PALD1: variants seen among roughly 807,000 people sequenced by gnomAD.
PALD1 encodes phosphatase domain containing paladin 1.
In PALD1, 57 loss-of-function variants were observed where a neutral mutation model predicts 96.0. The ratio of observed to expected loss-of-function variants is 0.59; its 90% confidence interval spans 0.48 to 0.74. The LOEUF (loss-of-function observed/expected upper bound fraction) is 0.74, where lower values mean the gene tolerates loss of function less well. Among genes scored for constraint, PALD1 ranks in the 30% least tolerant of loss-of-function variants. The pLI, the probability that PALD1 is intolerant of heterozygous loss-of-function variation, is 0.00. For synonymous variants in PALD1, 464 were observed against 473.6 expected (o/e 0.98, Z 0.26); for missense variants, 1,063 against 1,143.7 (o/e 0.93, Z 1.02).
At chr10:70,557,617 G>T (rs1380218885) in intron 18 of PALD1, among the ~76,000 whole-genome samples, 2 of 152,208 alleles carry the variant, frequency 1.3e-5, no homozygotes, top group Non-Finnish European at 2.9e-5. Flanking sequence ...CCACCGCTGG[G>T]CTGGCCTGAG....
At chr10:70,489,412 C>T (rs1326395832) in intron 1 of PALD1, among the ~76,000 whole-genome samples, 1 of 152,172 alleles carries the variant, frequency 6.6e-6, no homozygotes, top group Non-Finnish European at 1.5e-5. Flanking sequence ...CCTAACTTAA[C>T]AGTACAAAGT....
chr10:70,561,883 A>G (rs1847744414), intron 18 of PALD1, among the ~76,000 whole-genome samples: 1 of 151,984 alleles, frequency 6.6e-6, no homozygotes, highest in African/African-American at 2.4e-5. Context: ...CCCACCCTAG[A>G]TGTCCCCTCT....
chr10:70,491,417 G>A (rs1846096492), intron 1 of PALD1, among the ~76,000 whole-genome samples: 1 of 121,692 alleles, frequency 8.2e-6, no homozygotes, highest in Admixed American at 8.6e-5. Flanking sequence ...CTCCCCACCT[G>A]CTTTTTTTTT....
upstream of PALD1, among the ~76,000 whole-genome samples, chr10:70,478,373 G>C (rs1019504508): frequency 6.6e-6 from 1 of 152,196 alleles, no homozygotes; most frequent in Non-Finnish European, 1.5e-5. Context: ...GTAAAGCAGA[G>C]GGGGGCGAGG....
intron 18 of PALD1, among the ~76,000 whole-genome samples, chr10:70,552,259 TC>T (rs1328102386): frequency 6.6e-6 from 1 of 152,224 alleles, no homozygotes; most frequent in Non-Finnish European, 1.5e-5. Flanking sequence ...GTGTTCACAT[TC>T]CATGCAGTGA....
intron 9 of PALD1, 65 bp downstream of exon 9, chr10:70,534,589 G>T (rs564716586): frequency 1.6e-6 from 2 of 1,269,846 alleles, no homozygotes; most frequent in East Asian, 4.9e-5. Flanking sequence ...CCTCTCACTG[G>T]TCGGGGCTCT....
chr10:70,524,020 A>T (rs1301693194), intron 1 of PALD1, among the ~76,000 whole-genome samples: 2 of 151,770 alleles, frequency 1.3e-5, no homozygotes, highest in South Asian at 4.2e-4. Context: ...CTTCATGCTG[A>T]CCCCATGACC....
the PALD1 span, among the ~76,000 whole-genome samples, chr10:70,463,170 C>T: frequency 6.6e-6 from 1 of 152,104 alleles, no homozygotes; most frequent in Non-Finnish European, 1.5e-5. Flanking sequence ...TTTGGGAGGC[C>T]AAGGCGGGCA....
chr10:70,538,163 C>A, intron 11 of PALD1, 117 bp from the exon 12 acceptor site: 2 of 1,131,776 alleles, frequency 1.8e-6, no homozygotes, highest in South Asian at 1.4e-5. Context: ...ACTCCCTTGT[C>A]CCTGCTCTGG....
chr10:70,495,548 C>T (rs1187171632), intron 1 of PALD1, among the ~76,000 whole-genome samples: 1 of 151,880 alleles, frequency 6.6e-6, no homozygotes, highest in African/African-American at 2.4e-5. Flanking sequence ...TTGGAATTAC[C>T]TGTATTGGCT....
Position 70,539,559 on chromosome 10 carries a change from C to T in PALD1, c.1726-21C>T, listed in dbSNP as rs1223324757. 2 of 1,581,650 alleles carry T rather than the reference C, an allele frequency of 1.3e-6. No individual in the cohort carries two copies. Among genetic ancestry groups the T allele is most frequent in the Non-Finnish European group, 1.7e-6 (2 of 1,162,208 alleles). ...AGAGCCTGCCCCAGTGGCCTGTGTC[C>T]TCCCTCCTGCCCTTGCCCAGACCCT... On this transcript the variant is annotated intron_variant, in intron 14 of 19. Coordinates refer to ENST00000263563, the MANE Select transcript of PALD1 (RefSeq NM_014431.3). This position sits in a 1 kb window ranked among gnomAD's most constrained non-coding sequence, Gnocchi z 4.5.
chr10:70,526,590 T>C (rs1357598766), intron 2 of PALD1, among the ~76,000 whole-genome samples: 1 of 152,178 alleles, frequency 6.6e-6, no homozygotes, highest in Non-Finnish European at 1.5e-5. Flanking sequence ...GTCCTAATGA[T>C]GCCCCTCAGG....
intron 1 of PALD1, among the ~76,000 whole-genome samples, chr10:70,507,207 G>A (rs531166888): frequency 2.0e-3 from 300 of 150,864 alleles, no homozygotes; most frequent in Non-Finnish European, 2.4e-3. Context: ...TTCAAGACCA[G>A]CCTGGCCAAC....
At chr10:70,544,689 T>G (rs1847324569) in intron 17 of PALD1, among the ~76,000 whole-genome samples, 1 of 152,042 alleles carries the variant, frequency 6.6e-6, no homozygotes, top group African/African-American at 2.4e-5. Context: ...GGAGTTGGGT[T>G]CCCTGTGAAG....
intron 1 of PALD1, among the ~76,000 whole-genome samples, chr10:70,509,145 G>A (rs2132312928): frequency 6.6e-6 from 1 of 152,316 alleles, no homozygotes; most frequent in Middle Eastern, 3.4e-3. Flanking sequence ...GGCTCCGGAA[G>A]GGGTACTCTC....
At chr10:70,521,715 G>T (rs571752196) in intron 1 of PALD1, among the ~76,000 whole-genome samples, 105 of 151,534 alleles carry the variant, frequency 6.9e-4, no homozygotes, top group African/African-American at 2.4e-3. Context: ...TTTATTTTTA[G>T]TAGAGACGGG....
chr10:70,477,733 A>G (rs1351784040), upstream of PALD1, among the ~76,000 whole-genome samples: 3 of 152,130 alleles, frequency 2.0e-5, no homozygotes, highest in Non-Finnish European at 4.4e-5. Flanking sequence ...CCAGCCTGAC[A>G]GAGGTGGGGC....
chr10:70,517,973 G>A (rs1052396490), intron 1 of PALD1, among the ~76,000 whole-genome samples: 2 of 151,812 alleles, frequency 1.3e-5, no homozygotes, highest in East Asian at 1.9e-4. Flanking sequence ...GCGCAATCTC[G>A]GCTTACTGCA....
At chr10:70,476,352 C>G (rs756195569), upstream of PALD1, among the ~76,000 whole-genome samples, 1 of 152,198 alleles carries the variant, frequency 6.6e-6, no homozygotes, top group Non-Finnish European at 1.5e-5. Flanking sequence ...GGCCTTCTCT[C>G]CTTCAACATT....
Sources: allele counts gnomAD v4.1 joint callset (sites outside exome capture counted in the v4.1 genomes callset), GRCh38; gene constraint gnomAD v4.1.1; non-coding constraint Gnocchi (gnomAD v3.1); transcripts MANE v1.5; gene names NCBI Gene and HGNC (gene_info 2026-07-23, HGNC 2026-07-21).